Variants in CDKAL1 observed in about 807,000 individuals in gnomAD.
CDKAL1 encodes the protein threonylcarbamoyladenosine tRNA methylthiotransferase.
Under a neutral mutation model 68.2 loss-of-function variants are expected in CDKAL1, and 32 were observed. The observed-to-expected ratio is 0.47, with a 90% confidence interval of 0.35 to 0.63. CDKAL1 has a LOEUF of 0.63. CDKAL1 is among the 30% of genes least tolerant of loss of function. The pLI is 0.00. For missense variants in CDKAL1, 606 were observed against 696.7 expected (o/e 0.87, Z 1.47); for synonymous variants, 234 against 244.3 (o/e 0.96, Z 0.39).
intron 9 of CDKAL1, among the ~76,000 whole-genome samples, chr6:20,851,541 G>C (rs1218073801): frequency 6.6e-6 from 1 of 152,042 alleles, no homozygotes; most frequent in Non-Finnish European, 1.5e-5. Flanking sequence ...TGCTTTTCTA[G>C]ATCTCATTTG....
At chr6:20,794,271 T>C (rs939006251) in intron 8 of CDKAL1, among the ~76,000 whole-genome samples, 1 of 152,146 alleles carries the variant, frequency 6.6e-6, no homozygotes, top group South Asian at 2.1e-4. Flanking sequence ...AGTAGTTGAA[T>C]TTAAATATAT....
At chr6:20,980,814 A>G (rs1367209842) in intron 10 of CDKAL1, among the ~76,000 whole-genome samples, 1 of 152,186 alleles carries the variant, frequency 6.6e-6, no homozygotes, top group Admixed American at 6.5e-5. Context: ...CAGGTTTAAG[A>G]AAAACTACAA....
intron 15 of CDKAL1, among the ~76,000 whole-genome samples, chr6:21,228,409 C>T (rs1278496908): frequency 2.0e-5 from 3 of 152,098 alleles, no homozygotes; most frequent in Non-Finnish European, 4.4e-5. Context: ...ACTCAGGCCT[C>T]GGAGAAATTA....
intron 11 of CDKAL1, among the ~76,000 whole-genome samples, chr6:21,021,489 A>G (rs183312933): frequency 7.2e-4 from 110 of 152,336 alleles, no homozygotes; most frequent in Non-Finnish European, 1.1e-3. Flanking sequence ...TGCACACAAA[A>G]ATATGAAGGA....
chr6:21,125,128 C>T (rs34857211), intron 13 of CDKAL1, among the ~76,000 whole-genome samples: 22,315 of 152,082 alleles, frequency 0.15, 1,778 homozygotes, highest in Non-Finnish European at 0.19. Context: ...ATCCACATAA[C>T]CCCCACGTGT....
At chr6:20,896,094 TTTTCTTTTC>T (rs1260518543) in intron 9 of CDKAL1, among the ~76,000 whole-genome samples, 2 of 110,252 alleles carry the variant, frequency 1.8e-5, no homozygotes, top group Non-Finnish European at 3.6e-5. Flanking sequence ...TTTTCTTTTC[TTTTCTTTTC>T]TTTTTTTTTT....
chr6:21,080,710 C>G (rs1772345478), intron 12 of CDKAL1, among the ~76,000 whole-genome samples: 1 of 152,164 alleles, frequency 6.6e-6, no homozygotes, highest in Non-Finnish European at 1.5e-5. Context: ...GAACTAAATT[C>G]CATTACCATG....
At chr6:20,563,187 CAAAGAT>C (rs1764332602) in intron 4 of CDKAL1, among the ~76,000 whole-genome samples, 1 of 152,070 alleles carries the variant, frequency 6.6e-6, no homozygotes, top group Non-Finnish European at 1.5e-5. Context: ...ACAAGTGAAT[CAAAGAT>C]AAAGATAGAT....
At chr6:21,011,154 G>A (rs908994148) in intron 11 of CDKAL1, among the ~76,000 whole-genome samples, 8 of 150,738 alleles carry the variant, frequency 5.3e-5, no homozygotes, top group Non-Finnish European at 8.8e-5. Flanking sequence ...CAAGGCGGGT[G>A]GATCACAAGG....
chr6:20,994,194 G>A (rs1280269221), intron 10 of CDKAL1, among the ~76,000 whole-genome samples: 1 of 152,182 alleles, frequency 6.6e-6, no homozygotes, highest in Non-Finnish European at 1.5e-5. Flanking sequence ...AAAATGCATT[G>A]TGGGCTGGGA....
intron 4 of CDKAL1, among the ~76,000 whole-genome samples, chr6:20,644,811 G>A (rs1172206635): frequency 6.6e-6 from 1 of 152,196 alleles, no homozygotes; most frequent in African/African-American, 2.4e-5. Context: ...CCTATTGATT[G>A]AGGTTACTGC....
intron 8 of CDKAL1, among the ~76,000 whole-genome samples, chr6:20,814,328 AT>A (rs1428567294): frequency 1.3e-5 from 2 of 152,090 alleles, no homozygotes; most frequent in Non-Finnish European, 2.9e-5. Context: ...ATTTATAAGA[AT>A]TTTTTTGATA....
intron 13 of CDKAL1, among the ~76,000 whole-genome samples, chr6:21,112,365 T>C (rs1413767571): frequency 2.6e-5 from 4 of 152,352 alleles, no homozygotes; most frequent in Non-Finnish European, 4.4e-5. Context: ...TCTATTTACA[T>C]CTACAGTGGT....
At chr6:20,977,476 C>G (rs1314300736) in intron 10 of CDKAL1, among the ~76,000 whole-genome samples, 1 of 152,042 alleles carries the variant, frequency 6.6e-6, no homozygotes, top group Non-Finnish European at 1.5e-5. Context: ...TTATATAACC[C>G]CTTTAGGTCT....
chr6:21,047,446 A>G (rs992092185), intron 11 of CDKAL1, among the ~76,000 whole-genome samples: 16 of 152,232 alleles, frequency 1.1e-4, no homozygotes, highest in Admixed American at 9.8e-4. Flanking sequence ...TGAAATTGGT[A>G]TTAGTCAAAA....
In CDKAL1 at chr6:20,991,575, C is replaced by A. The variant is rs182369804; in HGVS notation, c.910-8652C>A. ...TACAAAAATTAGCCAGGCATGGTGGCGGGCGCCTGTAGTCCCAGCTACTCG... is the reference window on the plus strand; with the variant it reads ...TACAAAAATTAGCCAGGCATGGTGGAGGGCGCCTGTAGTCCCAGCTACTCG... On this transcript the variant is annotated intron_variant, in intron 10 of 15. Transcript: ENST00000274695. Among the ~76,000 whole-genome samples the A allele has an allele frequency of 3.8e-3, 575 of 151,710 alleles. 1 individual carries two copies. Among genetic ancestry groups the A allele is most frequent in the Admixed American group, 7.6e-3 (116 of 15,208 alleles).
At chr6:20,952,562 G>A (rs1404730940) in intron 9 of CDKAL1, among the ~76,000 whole-genome samples, 1 of 152,216 alleles carries the variant, frequency 6.6e-6, no homozygotes, top group Non-Finnish European at 1.5e-5. Context: ...AGGGCACACG[G>A]TAAGGGCCAA....
intron 2 of CDKAL1, among the ~76,000 whole-genome samples, chr6:20,536,228 C>T (rs2127641654): frequency 6.6e-6 from 1 of 152,180 alleles, no homozygotes; most frequent in Admixed American, 6.5e-5. Context: ...GCCTCTGCAC[C>T]TGGCCCATTT....
rs548414988 is a variant in CDKAL1, at chr6:21,002,772, G to T, written c.1055+2400G>T. On this transcript the variant is annotated intron_variant, in intron 11 of 15. Coordinates refer to ENST00000274695, the MANE Select transcript of CDKAL1 (RefSeq NM_017774.3). The stretch of plus-strand genomic sequence containing the variant: ...GGAGGCTGAGGTGGATGGATCTCCT[G>T]AGCTCAGGAGTTCAAGATCAGTTTG... 5.9e-5 allele frequency among the ~76,000 whole-genome samples: 9 copies of T among 152,134 alleles called. No homozygotes were observed. The South Asian group carries it at 1.2e-3, about 21-fold the overall frequency.
Sources: allele counts gnomAD v4.1 joint callset (sites outside exome capture counted in the v4.1 genomes callset), GRCh38; gene constraint gnomAD v4.1.1; transcripts MANE v1.5; gene names NCBI Gene and HGNC (gene_info 2026-07-23, HGNC 2026-07-21).